The following GALNT13 variants were observed in gnomAD, a reference collection of about 807,000 sequenced individuals.
GALNT13 encodes UDP-GalNAc:polypeptide N-acetylgalactosaminyltransferase 13.
In GALNT13, 28 loss-of-function variants were observed where a neutral mutation model predicts 64.2. The ratio of observed to expected loss-of-function variants is 0.44; its 90% CI spans 0.32 to 0.60. The LOEUF (loss-of-function observed/expected upper bound fraction) is 0.60, where lower values mean the gene tolerates loss of function less well. GALNT13 is among the 20% of genes least tolerant of loss of function. GALNT13 has a pLI of 0.05. For missense variants in GALNT13, 577 were observed against 669.8 expected (o/e 0.86, Z 1.53); for synonymous variants, 214 against 224.6 (o/e 0.95, Z 0.42).
the GALNT13 span, among the ~76,000 whole-genome samples, chr2:153,639,202 T>C: frequency 4.6e-5 from 7 of 152,026 alleles, no homozygotes; most frequent in Non-Finnish European, 1.0e-4. Flanking sequence ...ATGAGGTATG[T>C]TAGGTCCAAT....
At chr2:153,340,894 G>A in the GALNT13 span, among the ~76,000 whole-genome samples, 1 of 152,166 alleles carries the variant, frequency 6.6e-6, no homozygotes, top group Non-Finnish European at 1.5e-5. Context: ...GGATCTCAAA[G>A]TGTGGTTCCC....
At chr2:153,684,556 T>A in the GALNT13 span, among the ~76,000 whole-genome samples, 2 of 151,768 alleles carry the variant, frequency 1.3e-5, no homozygotes, top group African/African-American at 4.8e-5. Flanking sequence ...AATACACATT[T>A]ATTTGGCCAC....
At chr2:153,765,907 C>T in the GALNT13 span, among the ~76,000 whole-genome samples, 1 of 152,132 alleles carries the variant, frequency 6.6e-6, no homozygotes, top group African/African-American at 2.4e-5. Context: ...TGCCTGCCAC[C>T]ACGTAAGATG....
chr2:153,237,984 T>C, the GALNT13 span, among the ~76,000 whole-genome samples: 1 of 152,020 alleles, frequency 6.6e-6, no homozygotes, highest in African/African-American at 2.4e-5. Flanking sequence ...TGCACAATCT[T>C]GCCAGAGTTT....
chr2:153,132,145 A>G, the GALNT13 span, among the ~76,000 whole-genome samples: 1 of 152,168 alleles, frequency 6.6e-6, no homozygotes, highest in East Asian at 1.9e-4. Flanking sequence ...ATATCTGGCA[A>G]ACCTGGAGAG....
the GALNT13 span, among the ~76,000 whole-genome samples, chr2:153,342,564 AAC>A: frequency 1.3e-5 from 2 of 152,224 alleles, no homozygotes; most frequent in Non-Finnish European, 2.9e-5. Flanking sequence ...GACTTTATCA[AAC>A]ACATTACAAT....
chr2:154,050,410 CT>C (rs1333924742), intron 3 of GALNT13, among the ~76,000 whole-genome samples: 1 of 152,150 alleles, frequency 6.6e-6, no homozygotes. Flanking sequence ...GTGGAATAAA[CT>C]TTTATCACTT....
chr2:153,380,593 A>G, the GALNT13 span, among the ~76,000 whole-genome samples: 99 of 152,174 alleles, frequency 6.5e-4, 2 homozygotes, highest in East Asian at 0.018. Context: ...GGGGTCCTGG[A>G]AACAATAGCC....
chr2:153,518,635 GATT>G, the GALNT13 span, among the ~76,000 whole-genome samples: 4 of 152,122 alleles, frequency 2.6e-5, no homozygotes, highest in South Asian at 2.1e-4. Context: ...ATTGGAGAAA[GATT>G]ATTATTTTAA....
At chr2:153,182,430 A>AT in the GALNT13 span, among the ~76,000 whole-genome samples, 1 of 152,170 alleles carries the variant, frequency 6.6e-6, no homozygotes, top group African/African-American at 2.4e-5. Flanking sequence ...ACCAAAAGAT[A>AT]TTTTTAAGTT....
the GALNT13 span, among the ~76,000 whole-genome samples, chr2:153,724,373 A>G: frequency 8.0e-6 from 1 of 125,460 alleles, no homozygotes. Context: ...CCTAGGCATT[A>G]CCATTCAGGA....
the GALNT13 span, among the ~76,000 whole-genome samples, chr2:153,729,881 A>G: frequency 2.0e-5 from 3 of 151,904 alleles, no homozygotes. Flanking sequence ...ATAGCTACAA[A>G]AATAGTAAAA....
the GALNT13 span, among the ~76,000 whole-genome samples, chr2:153,794,923 G>T: frequency 2.6e-5 from 4 of 152,168 alleles, no homozygotes; most frequent in South Asian, 8.3e-4. Flanking sequence ...ATTCATATCT[G>T]GTAAAGAAAT....
intron 4 of GALNT13, among the ~76,000 whole-genome samples, chr2:154,213,480 A>G (rs1687885101): frequency 6.6e-6 from 1 of 152,206 alleles, no homozygotes; most frequent in Admixed American, 6.5e-5. Context: ...ATATGAATTT[A>G]TAAACCATAT....
At chr2:153,624,551 A>C in the GALNT13 span, among the ~76,000 whole-genome samples, 1 of 152,100 alleles carries the variant, frequency 6.6e-6, no homozygotes, top group South Asian at 2.1e-4. Flanking sequence ...ACTGCGTCCT[A>C]GAATGGGAAG....
intron 9 of GALNT13, among the ~76,000 whole-genome samples, chr2:154,365,994 A>G (rs1310559559): frequency 2.0e-5 from 3 of 152,184 alleles, no homozygotes; most frequent in Admixed American, 1.3e-4. Flanking sequence ...CCTTTCCACT[A>G]GAGTACTTAA....
At chr2:154,433,674 A>T (rs1421190932) in intron 11 of GALNT13, among the ~76,000 whole-genome samples, 1 of 151,812 alleles carries the variant, frequency 6.6e-6, no homozygotes, top group East Asian at 1.9e-4. Context: ...CATTACATTT[A>T]GAGTTTTGAT....
intron 3 of GALNT13, 69 bp downstream of exon 3, chr2:153,944,708 A>G: frequency 7.4e-7 from 1 of 1,343,298 alleles, no homozygotes; most frequent in East Asian, 2.4e-5. Context: ...AAAATGAGAA[A>G]CTTCAGAATC....
intron 9 of GALNT13, among the ~76,000 whole-genome samples, chr2:154,324,411 G>T (rs1449901506): frequency 1.3e-5 from 2 of 151,812 alleles, no homozygotes; most frequent in African/African-American, 2.4e-5. Flanking sequence ...AGGATATTCA[G>T]CAATACAACA....
Sources: allele counts gnomAD v4.1 joint callset (sites outside exome capture counted in the v4.1 genomes callset), GRCh38; gene constraint gnomAD v4.1.1; transcripts MANE v1.5; gene names NCBI Gene and HGNC (gene_info 2026-07-23, HGNC 2026-07-21).